CNTNAP2: variants seen among roughly 807,000 people sequenced by gnomAD.
CNTNAP2 encodes the protein contactin-associated protein-like 2.
CNTNAP2 carries 98 observed loss-of-function variants against 155.2 expected under a neutral mutation model. That is an observed-to-expected ratio of 0.63 (90% CI 0.54 to 0.75). The LOEUF (loss-of-function observed/expected upper bound fraction) is 0.75, where lower values mean the gene tolerates loss of function less well. Ranked by LOEUF, CNTNAP2 falls within the 30% of genes least tolerant of loss-of-function variation. The probability of loss-of-function intolerance (pLI) is 0.00; values close to 1 mark genes in which losing one functional copy is unlikely to be tolerated. For missense variants in CNTNAP2, 1,727 were observed against 1,688.1 expected (o/e 1.02, Z -0.40); for synonymous variants, 651 against 631.2 (o/e 1.03, Z -0.47).
intron 1 of CNTNAP2, among the ~76,000 whole-genome samples, chr7:146,250,004 C>G (rs1052718366): frequency 5.9e-5 from 9 of 152,130 alleles, no homozygotes; most frequent in Non-Finnish European, 1.0e-4. Flanking sequence ...TCCTGCCCGT[C>G]TTTTTCTCTT....
intron 13 of CNTNAP2, among the ~76,000 whole-genome samples, chr7:147,881,191 G>C (rs1225116187): frequency 6.6e-6 from 1 of 152,164 alleles, no homozygotes; most frequent in Non-Finnish European, 1.5e-5. Context: ...GACACAAATA[G>C]ATACATGTGT....
At chr7:146,198,890 T>C (rs1210878783) in intron 1 of CNTNAP2, among the ~76,000 whole-genome samples, 1 of 152,158 alleles carries the variant, frequency 6.6e-6, no homozygotes, top group African/African-American at 2.4e-5. Context: ...TATTAGTATA[T>C]ATTGAAGATC....
chr7:147,754,061 A>C (rs1178019393), intron 13 of CNTNAP2, among the ~76,000 whole-genome samples: 1 of 152,144 alleles, frequency 6.6e-6, no homozygotes, highest in Non-Finnish European at 1.5e-5. Context: ...ATACTGAGGC[A>C]AATGGTGTCA....
intron 11 of CNTNAP2, among the ~76,000 whole-genome samples, chr7:147,508,494 C>G (rs988542253): frequency 5.9e-5 from 9 of 152,152 alleles, no homozygotes; most frequent in African/African-American, 1.9e-4. Flanking sequence ...CCTTGCAACT[C>G]TTGATTTAAG....
At chr7:146,817,132 A>G (rs1388511429) in intron 2 of CNTNAP2, among the ~76,000 whole-genome samples, 1 of 152,132 alleles carries the variant, frequency 6.6e-6, no homozygotes, top group Non-Finnish European at 1.5e-5. Context: ...ACCCTGTTAC[A>G]TAAACAGTGT....
In CNTNAP2 at chr7:147,854,196, T is replaced by A. The variant is rs566320898; in HGVS notation, c.2099-49369T>A. Among the ~76,000 whole-genome samples, 28 of 152,264 alleles carry A rather than the reference T, an allele frequency of 1.8e-4. 1 individual carries two copies. Among genetic ancestry groups the A allele is most frequent in the African/African-American group, 6.5e-4 (27 of 41,548 alleles). On this transcript the variant is annotated intron_variant, in intron 13 of 23. Transcript: ENST00000361727. ...CCTCTTTCTGAGGGAAAGTTGACTA[T>A]GGGTAGAGAAGAGTTGCCGTTATTT...
At chr7:147,327,882 A>G (rs1238193840) in intron 9 of CNTNAP2, among the ~76,000 whole-genome samples, 2 of 152,156 alleles carry the variant, frequency 1.3e-5, no homozygotes, top group Admixed American at 6.5e-5. Context: ...CATCCCAAAG[A>G]GTTGATCCAT....
At chr7:147,744,150 T>A (rs756859110) in intron 13 of CNTNAP2, among the ~76,000 whole-genome samples, 16 of 152,198 alleles carry the variant, frequency 1.1e-4, no homozygotes, top group Non-Finnish European at 2.1e-4. Flanking sequence ...TTGATATCAC[T>A]GAGGCTAGGA....
intron 9 of CNTNAP2, among the ~76,000 whole-genome samples, chr7:147,346,375 C>G (rs1795863356): frequency 6.6e-6 from 1 of 151,204 alleles, no homozygotes; most frequent in South Asian, 2.1e-4. Context: ...AGGATGGTCT[C>G]GATCTCCTGA....
chr7:146,123,994 A>G (rs1797599888), intron 1 of CNTNAP2, among the ~76,000 whole-genome samples: 1 of 152,196 alleles, frequency 6.6e-6, no homozygotes, highest in African/African-American at 2.4e-5. Context: ...AAACTAACAC[A>G]GGAACACAAA....
At chr7:148,323,294 C>CTTTTTTTTTT in intron 21 of CNTNAP2, among the ~76,000 whole-genome samples, 1 of 49,464 alleles carries the variant, frequency 2.0e-5, no homozygotes, top group Non-Finnish European at 3.4e-5. Context: ...TTATGGATTT[C>CTTTTTTTTTT]TTTTTTTTTT....
At chr7:147,579,533 T>C (rs1350472598) in intron 12 of CNTNAP2, among the ~76,000 whole-genome samples, 2 of 152,202 alleles carry the variant, frequency 1.3e-5, no homozygotes, top group East Asian at 1.9e-4. Flanking sequence ...ACATTATTAA[T>C]ATGCCATTTA....
intron 9 of CNTNAP2, among the ~76,000 whole-genome samples, chr7:147,365,697 A>G (rs978935150): frequency 3.9e-5 from 6 of 152,120 alleles, no homozygotes; most frequent in Non-Finnish European, 8.8e-5. Context: ...ATAGTGTAAA[A>G]TATATATTCT....
At chr7:147,798,956 C>T (rs571475118) in intron 13 of CNTNAP2, among the ~76,000 whole-genome samples, 9 of 152,278 alleles carry the variant, frequency 5.9e-5, no homozygotes, top group Admixed American at 3.3e-4. Flanking sequence ...CCAACTAGAT[C>T]GCAGGCAAAG....
intron 1 of CNTNAP2, among the ~76,000 whole-genome samples, chr7:146,415,284 T>A (rs1398439494): frequency 6.6e-6 from 1 of 151,862 alleles, no homozygotes; most frequent in Non-Finnish European, 1.5e-5. Flanking sequence ...GGAAGAAGAG[T>A]AGTGAATTTT....
At chr7:147,739,927 G>GT (rs950890267) in intron 13 of CNTNAP2, among the ~76,000 whole-genome samples, 4 of 152,162 alleles carry the variant, frequency 2.6e-5, no homozygotes, top group Admixed American at 2.6e-4. Flanking sequence ...GGAGCACTGT[G>GT]TTGACTCAAT....
At chr7:147,586,171 T>G (rs1032756792) in intron 12 of CNTNAP2, among the ~76,000 whole-genome samples, 1 of 152,126 alleles carries the variant, frequency 6.6e-6, no homozygotes, top group African/African-American at 2.4e-5. Flanking sequence ...AAGCAATGTC[T>G]GGGTTACGTT....
At chr7:146,203,072 T>G (rs1017794610) in intron 1 of CNTNAP2, among the ~76,000 whole-genome samples, 3 of 152,240 alleles carry the variant, frequency 2.0e-5, no homozygotes, top group Non-Finnish European at 4.4e-5. Flanking sequence ...CTTTTCTCTA[T>G]GCTCTTACAT....
intron 11 of CNTNAP2, among the ~76,000 whole-genome samples, chr7:147,495,396 G>A (rs7778880): frequency 0.15 from 22,761 of 152,146 alleles, 1,836 homozygotes; most frequent in East Asian, 0.29. Flanking sequence ...AAGAATTTAT[G>A]CTAGGGAAAT....
Sources: gnomAD v4.1 joint callset for allele counts (sites outside exome capture counted in the v4.1 genomes callset) on GRCh38, gnomAD v4.1.1 for gene constraint, MANE v1.5 for transcripts, NCBI Gene and HGNC (gene_info 2026-07-23, HGNC 2026-07-21) for gene names.